PHACTR3: variants seen among roughly 807,000 people sequenced by gnomAD.
PHACTR3 encodes protein phosphatase 1, regulatory subunit 123.
A neutral mutation model predicts 66.8 loss-of-function variants in PHACTR3; 16 were observed. That is an observed-to-expected ratio of 0.24 (90% CI 0.16 to 0.36). PHACTR3 has a LOEUF of 0.36. Among genes scored for constraint, PHACTR3 ranks in the 10% least tolerant of loss-of-function variants. The pLI is 1.00. For missense variants in PHACTR3, 647 were observed against 719.9 expected (o/e 0.90, Z 1.16); for synonymous variants, 323 against 292.1 (o/e 1.11, Z -1.08).
At chr20:59,691,384 A>G (rs1226362230) in intron 1 of PHACTR3, among the ~76,000 whole-genome samples, 1 of 152,216 alleles carries the variant, frequency 6.6e-6, no homozygotes, top group Non-Finnish European at 1.5e-5. Context: ...GATTGCCATC[A>G]ATTGTCCCAA....
At chr20:59,685,305 C>T (rs1156447378) in intron 1 of PHACTR3, among the ~76,000 whole-genome samples, 1 of 152,222 alleles carries the variant, frequency 6.6e-6, no homozygotes, top group Non-Finnish European at 1.5e-5. Context: ...CTGCCTTCCT[C>T]ATCTTGTCTT....
rs546484656 is a variant in PHACTR3, at chr20:59,611,928, T to C, written c.118+6796T>C. Among the ~76,000 whole-genome samples, 3 of 152,352 alleles carry C rather than the reference T, an allele frequency of 2.0e-5. No homozygotes were observed. The East Asian group carries it at 5.8e-4, about 29-fold the overall frequency. On this transcript the variant is annotated intron_variant, in intron 1 of 12. Transcript: ENST00000371015. ...GATGAGTTTGTTTCCTTTGCAAGTA[T>C]ATCTTCAGGGAAGGTGCTTTTTAGG...
chr20:59,679,448 T>A (rs969311072), intron 1 of PHACTR3, among the ~76,000 whole-genome samples: 1 of 152,210 alleles, frequency 6.6e-6, no homozygotes, highest in Non-Finnish European at 1.5e-5. Context: ...TCTAATACTT[T>A]TCTTCATAAC....
At chr20:59,755,494 C>G in intron 4 of PHACTR3, 130 bp downstream of exon 4, 1 of 1,057,168 alleles carries the variant, frequency 9.5e-7, no homozygotes, top group Non-Finnish European at 1.3e-6. Flanking sequence ...GGCCCGTGCT[C>G]TAAGCGCTGC....
chr20:59,638,734 A>G (rs1041162934), intron 1 of PHACTR3, among the ~76,000 whole-genome samples: 3 of 145,594 alleles, frequency 2.1e-5, no homozygotes, highest in Non-Finnish European at 4.5e-5. Flanking sequence ...GGATGGATAA[A>G]TGGGGATGGA....
intron 1 of PHACTR3, among the ~76,000 whole-genome samples, chr20:59,741,597 T>C (rs1019303137): frequency 2.0e-5 from 3 of 152,208 alleles, no homozygotes; most frequent in Non-Finnish European, 4.4e-5. Flanking sequence ...CTTTGTGAGC[T>C]TCTCTAACTT....
At chr20:59,675,620 G>T (rs973759455) in intron 1 of PHACTR3, among the ~76,000 whole-genome samples, 1 of 152,166 alleles carries the variant, frequency 6.6e-6, no homozygotes, top group Admixed American at 6.5e-5. Context: ...TTTCTTTGGG[G>T]TGATTTTTCC....
intron 7 of PHACTR3, among the ~76,000 whole-genome samples, chr20:59,799,149 C>G (rs1000133835): frequency 6.6e-6 from 1 of 151,390 alleles, no homozygotes; most frequent in African/African-American, 2.4e-5. Flanking sequence ...AGAGAACATA[C>G]TTGGTATGAC....
chr20:59,701,794 A>G (rs1262638450), intron 1 of PHACTR3, among the ~76,000 whole-genome samples: 2 of 152,232 alleles, frequency 1.3e-5, no homozygotes, highest in Non-Finnish European at 1.5e-5. Context: ...GGTTTTGACA[A>G]ATGCATAATG....
rs2040542709 is a variant in PHACTR3 at position 59,776,505 on chromosome 20, C to G, written c.1174+2015C>G. On this transcript the variant is annotated intron_variant, in intron 7 of 12. Coordinates refer to ENST00000371015, the MANE Select transcript of PHACTR3 (RefSeq NM_080672.5). ...CACTTCTTCCTGTCCTCACCAGCCA[C>G]ACGGGGAGGATAGCCCCTGGGGAGG... Among the ~76,000 whole-genome samples, 4 of 85,326 alleles carry G rather than the reference C, an allele frequency of 4.7e-5. No homozygotes were observed. The South Asian group carries it at 1.4e-3, about 31-fold the overall frequency. The allele number at this position is 85,326 out of a possible 152,430, so 56.0% of individuals were successfully genotyped here.
chr20:59,590,319 G>C (rs966613769), intron 1 of PHACTR3, among the ~76,000 whole-genome samples: 1 of 152,132 alleles, frequency 6.6e-6, no homozygotes, highest in Admixed American at 6.5e-5. Context: ...CCACTTGATC[G>C]GCCTCATGCA....
chr20:59,805,098 G>A (rs1310735014), intron 7 of PHACTR3, among the ~76,000 whole-genome samples: 6 of 152,172 alleles, frequency 3.9e-5, no homozygotes, highest in Non-Finnish European at 5.9e-5. Flanking sequence ...TGTGCTGTTC[G>A]GAAAGCTGAA....
intron 1 of PHACTR3, among the ~76,000 whole-genome samples, chr20:59,719,861 A>T (rs1407185169): frequency 2.0e-5 from 3 of 152,196 alleles, no homozygotes; most frequent in African/African-American, 7.2e-5. Flanking sequence ...GGGGCTGCCT[A>T]AGGTCATAGG....
intron 5 of PHACTR3, among the ~76,000 whole-genome samples, chr20:59,771,072 G>A (rs1030133500): frequency 5.3e-5 from 8 of 152,176 alleles, no homozygotes; most frequent in African/African-American, 1.7e-4. Context: ...AAAGCTCTAT[G>A]GGGGCCGTGG....
intron 5 of PHACTR3, among the ~76,000 whole-genome samples, chr20:59,772,389 G>A (rs1350139108): frequency 6.6e-6 from 1 of 152,184 alleles, no homozygotes; most frequent in Non-Finnish European, 1.5e-5. Flanking sequence ...GTGGACACAG[G>A]CCTGCCCAGG....
chr20:59,753,590 CAAT>C (rs765601351), intron 3 of PHACTR3, among the ~76,000 whole-genome samples: 11 of 152,186 alleles, frequency 7.2e-5, no homozygotes, highest in African/African-American at 9.7e-5. Context: ...TCACCAACAA[CAAT>C]GACAGAAAGC....
At chr20:59,699,208 T>G (rs1358460203) in intron 1 of PHACTR3, among the ~76,000 whole-genome samples, 1 of 152,198 alleles carries the variant, frequency 6.6e-6, no homozygotes, top group Non-Finnish European at 1.5e-5. Flanking sequence ...GAGTTGGCGA[T>G]GTTGTTTGCA....
At chr20:59,624,829 C>T (rs2034387244) in intron 1 of PHACTR3, among the ~76,000 whole-genome samples, 1 of 152,214 alleles carries the variant, frequency 6.6e-6, no homozygotes, top group South Asian at 2.1e-4. Context: ...TGTAAACCTG[C>T]ACCCTGGTTC....
intron 1 of PHACTR3, among the ~76,000 whole-genome samples, chr20:59,620,838 T>C (rs2034204495): frequency 6.6e-6 from 1 of 152,210 alleles, no homozygotes; most frequent in Non-Finnish European, 1.5e-5. Context: ...GGGGTGGCTG[T>C]CTTTCCGTCA....
Sources: gnomAD v4.1 joint callset for allele counts (sites outside exome capture counted in the v4.1 genomes callset) on GRCh38, gnomAD v4.1.1 for gene constraint, MANE v1.5 for transcripts, NCBI Gene and HGNC (gene_info 2026-07-23, HGNC 2026-07-21) for gene names.